COP1: variants seen among roughly 807,000 people sequenced by gnomAD.
COP1 encodes COP1 E3 ubiquitin ligase, also known as E3 ubiquitin-protein ligase COP1.
A neutral mutation model predicts 101.3 loss-of-function variants in COP1; 24 were observed. The ratio of observed to expected loss-of-function variants is 0.24; its 90% CI spans 0.17 to 0.33. COP1 has a LOEUF of 0.33. COP1 is among the 10% of genes least tolerant of loss of function. The probability of loss-of-function intolerance (pLI) is 1.00; values close to 1 mark genes in which losing one functional copy is unlikely to be tolerated. For synonymous variants in COP1, 347 were observed against 341.9 expected, an observed-to-expected ratio of 1.01 and a Z score of -0.17; for missense variants, 663 against 906.2, an observed-to-expected ratio of 0.73 and a Z score of 3.45.
intron 4 of COP1, 89 bp from the exon 5 acceptor site, chr1:176,163,077 T>G: frequency 7.6e-7 from 1 of 1,309,044 alleles, no homozygotes; most frequent in Non-Finnish European, 1.0e-6. Context: ...CTTCCTAATA[T>G]GCTCATTACA....
rs1337198518 is a variant in COP1 at position 176,099,478 on chromosome 1, C to T, written c.1027-13588G>A. 2.7e-5 allele frequency among the ~76,000 whole-genome samples: 4 copies of T among 150,844 alleles called. No individual in the cohort carries two copies. The Admixed American group carries it at 2.7e-4, about 10-fold the overall frequency. ...CTTTAATAAATGAGTATGGCACACT[C>T]CTGTGAAAAAAATTTGGAGCATATT... On this transcript the variant is annotated intron_variant, in intron 9 of 19. Coordinates refer to ENST00000367669, the MANE Select transcript of COP1 (RefSeq NM_022457.7).
chr1:176,133,133 T>C (rs1004959465), intron 8 of COP1, among the ~76,000 whole-genome samples: 2 of 148,744 alleles, frequency 1.3e-5, no homozygotes, highest in African/African-American at 2.5e-5. Context: ...TATATACCCA[T>C]ACACATACGT....
At chr1:176,056,013 A>G (rs1673413124) in intron 11 of COP1, among the ~76,000 whole-genome samples, 1 of 152,096 alleles carries the variant, frequency 6.6e-6, no homozygotes. Flanking sequence ...TATGTCCCAT[A>G]AGTTCTGATA....
At chr1:176,171,124 C>CAAAAAAAAAAAAAAAAA (rs1174700907) in intron 3 of COP1, among the ~76,000 whole-genome samples, 1 of 56,848 alleles carries the variant, frequency 1.8e-5, no homozygotes. Flanking sequence ...GACTCCATCT[C>CAAAAAAAAAAAAAAAAA]AAAAAAAAAA....
At chr1:176,147,207 A>C (rs1691699776) in intron 6 of COP1, among the ~76,000 whole-genome samples, 1 of 152,172 alleles carries the variant, frequency 6.6e-6, no homozygotes, top group African/African-American at 2.4e-5. Flanking sequence ...TTTGAAGATT[A>C]AACACGCAAA....
chr1:176,096,934 G>C (rs550323204), intron 9 of COP1, among the ~76,000 whole-genome samples: 2 of 152,114 alleles, frequency 1.3e-5, no homozygotes, highest in African/African-American at 4.8e-5. Flanking sequence ...TTTGTGGCCC[G>C]GGGTTCGATC....
Position 176,011,944 on chromosome 1 carries a change from T to C in COP1, c.1729+15628A>G, listed in dbSNP as rs561754387. On this transcript the variant is annotated intron_variant, in intron 15 of 19. Coordinates refer to ENST00000367669, the MANE Select transcript of COP1 (RefSeq NM_022457.7). Reference sequence around the variant, plus strand: ...ATACAATATATGATAAACAACTGTGTTACTGGCTTATGTATTTACTGTACT... The same window carrying C: ...ATACAATATATGATAAACAACTGTGCTACTGGCTTATGTATTTACTGTACT... 7.9e-5 allele frequency among the ~76,000 whole-genome samples: 12 copies of C among 152,242 alleles called. No homozygotes were observed. In the East Asian group the frequency reaches 9.6e-4, roughly 12 times the overall value.
intron 15 of COP1, among the ~76,000 whole-genome samples, chr1:175,991,272 C>T (rs904772400): frequency 2.0e-5 from 3 of 152,102 alleles, no homozygotes; most frequent in African/African-American, 7.2e-5. Context: ...TGCTCCTATG[C>T]TACAAACCTA....
chr1:176,138,125 G>A (rs1690092979), intron 6 of COP1, among the ~76,000 whole-genome samples: 1 of 152,122 alleles, frequency 6.6e-6, no homozygotes, highest in Admixed American at 6.6e-5. Flanking sequence ...ATTCTGCCAA[G>A]TGGAAAACAG....
Position 176,162,854 on chromosome 1 carries a change from T to C in COP1, c.762+15A>G. The C allele has an allele frequency of 2.6e-6, 4 of 1,567,904 alleles. No individual in the cohort carries two copies. The highest frequency in any genetic ancestry group is 3.4e-6 in the Non-Finnish European group (4 of 1,161,874). On this transcript the variant is annotated intron_variant, in intron 5 of 19. Transcript: ENST00000367669. ...TCATCATTTAAAATTTTTTTTAAGT[T>C]TAGCTACCACTTACTGCTTCCAGTT...
chr1:175,945,122 G>A lies in COP1; in HGVS notation c.*31C>T, dbSNP rs1648992192. The A allele has an allele frequency of 6.6e-7, 1 of 1,520,284 alleles. No homozygotes were observed. Among genetic ancestry groups the A allele is most frequent in the Non-Finnish European group, 9.1e-7 (1 of 1,101,206 alleles). 94.2% of individuals were successfully genotyped at this position (1,520,284 alleles called of 1,614,324 possible). A position where few individuals can be genotyped will look rare whatever the true frequency, so the allele number is the denominator to read the frequency against. On this transcript the variant is annotated 3_prime_UTR_variant, in exon 20 of 20. Transcript: ENST00000367669. ...GTCAGCTGCAGATGTATTTCAGCAG[G>A]ATCAAGTACAATTTGACTTGAGTTA...
intron 14 of COP1, among the ~76,000 whole-genome samples, chr1:176,034,597 G>A (rs1017467451): frequency 2.6e-5 from 4 of 152,112 alleles, no homozygotes; most frequent in African/African-American, 9.7e-5. Flanking sequence ...CAGTAAAAGG[G>A]GGCCCTGGGA....
At chr1:176,169,457 G>A (rs919802277) in intron 3 of COP1, among the ~76,000 whole-genome samples, 11 of 152,180 alleles carry the variant, frequency 7.2e-5, no homozygotes, top group African/African-American at 1.2e-4. Context: ...TATACAAAGC[G>A]TACCTTGGAG....
intron 9 of COP1, among the ~76,000 whole-genome samples, chr1:176,091,743 G>GA (rs1243239114): frequency 1.3e-5 from 2 of 150,222 alleles, no homozygotes; most frequent in South Asian, 2.1e-4. Flanking sequence ...AAAAACGTAA[G>GA]AAAAAAAATC....
At chr1:176,060,505 A>C (rs1191774402) in intron 11 of COP1, among the ~76,000 whole-genome samples, 1 of 152,220 alleles carries the variant, frequency 6.6e-6, no homozygotes, top group Non-Finnish European at 1.5e-5. Flanking sequence ...GTAAAAGTAC[A>C]ACAGAGACTC....
rs555545568 is a variant in COP1, at chr1:176,151,846, G to A, written c.763-2772C>T. Among the ~76,000 whole-genome samples the A allele has an allele frequency of 1.9e-4, 29 of 152,010 alleles. No homozygotes were observed. In the South Asian group the frequency reaches 5.8e-3, roughly 30 times the overall value. On this transcript the variant is annotated intron_variant, in intron 5 of 19. Transcript: ENST00000367669. ...GATTTTTAAATATTTCACTATAAAT[G>A]AGTAATTTGGTCCTTACAGGTTTAG...
chr1:175,947,166 T>A, intron 19 of COP1, 29 bp downstream of exon 19: 1 of 1,534,204 alleles, frequency 6.5e-7, no homozygotes, highest in Non-Finnish European at 9.0e-7. Flanking sequence ...GGGCCTGAGT[T>A]TAAAATGGAG....
chr1:175,995,497 T>C (rs1247874356), intron 15 of COP1, among the ~76,000 whole-genome samples: 4 of 152,016 alleles, frequency 2.6e-5, no homozygotes, highest in Non-Finnish European at 4.4e-5. Context: ...GATAGACCAC[T>C]AGCAAGACTA....
At chr1:176,113,829 C>A (rs938110961) in intron 9 of COP1, among the ~76,000 whole-genome samples, 2 of 151,744 alleles carry the variant, frequency 1.3e-5, no homozygotes, top group African/African-American at 4.8e-5. Context: ...GGGAATGATT[C>A]TATAATTCAG....
Sources: gnomAD v4.1 joint callset for allele counts (sites outside exome capture counted in the v4.1 genomes callset) on GRCh38, gnomAD v4.1.1 for gene constraint, MANE v1.5 for transcripts, NCBI Gene and HGNC (gene_info 2026-07-23, HGNC 2026-07-21) for gene names.